Variants in GRID2 observed in about 807,000 individuals in gnomAD.
GRID2 encodes the protein glutamate receptor ionotropic, delta-2.
In GRID2, 33 loss-of-function variants were observed where a neutral mutation model predicts 114.8. The ratio of observed to expected loss-of-function variants is 0.29; its 90% CI spans 0.22 to 0.38. GRID2 has a LOEUF of 0.38. Among genes scored for constraint, GRID2 ranks in the 10% least tolerant of loss-of-function variants. The probability of loss-of-function intolerance (pLI) is 1.00; values close to 1 mark genes in which losing one functional copy is unlikely to be tolerated. For missense variants in GRID2, 1,184 were observed against 1,257.7 expected (o/e 0.94, Z 0.89); for synonymous variants, 505 against 449.9 (o/e 1.12, Z -1.55).
chr4:92,649,835 ATAAC>A (rs1010335567), intron 2 of GRID2, among the ~76,000 whole-genome samples: 3 of 152,038 alleles, frequency 2.0e-5, no homozygotes, highest in African/African-American at 7.2e-5. Flanking sequence ...GAAATTAACA[ATAAC>A]TAAGTAGAGA....
intron 1 of GRID2, among the ~76,000 whole-genome samples, chr4:92,532,570 T>C (rs1298953543): frequency 6.6e-6 from 1 of 152,120 alleles, no homozygotes; most frequent in East Asian, 1.9e-4. Flanking sequence ...ATGTTTATAA[T>C]TGCCCGTGTG....
At chr4:93,674,373 G>C (rs1026705311) in intron 14 of GRID2, among the ~76,000 whole-genome samples, 2 of 152,078 alleles carry the variant, frequency 1.3e-5, no homozygotes, top group Non-Finnish European at 2.9e-5. Context: ...ATGTATAGCT[G>C]TCAGGTACAA....
intron 2 of GRID2, among the ~76,000 whole-genome samples, chr4:92,680,868 G>C (rs1000595681): frequency 6.6e-6 from 1 of 152,152 alleles, no homozygotes; most frequent in African/African-American, 2.4e-5. Flanking sequence ...TTCTGTGCCA[G>C]AATTACTTAG....
At chr4:92,385,917 T>TA (rs1270743060) in intron 1 of GRID2, among the ~76,000 whole-genome samples, 1 of 149,062 alleles carries the variant, frequency 6.7e-6, no homozygotes, top group Admixed American at 6.7e-5. Flanking sequence ...TATATATATA[T>TA]ATATATATGA....
At chr4:92,370,767 G>A (rs993060594) in intron 1 of GRID2, among the ~76,000 whole-genome samples, 2 of 152,138 alleles carry the variant, frequency 1.3e-5, no homozygotes, top group African/African-American at 2.4e-5. Flanking sequence ...GTTGATTTTT[G>A]TATGTGGTGA....
intron 2 of GRID2, among the ~76,000 whole-genome samples, chr4:93,072,719 T>C (rs1297193974): frequency 6.6e-6 from 1 of 151,846 alleles, no homozygotes; most frequent in African/African-American, 2.4e-5. Context: ...TAAGAAATGG[T>C]TAGGTAGGTC....
At chr4:92,797,808 T>C (rs1739964222) in intron 2 of GRID2, among the ~76,000 whole-genome samples, 1 of 151,946 alleles carries the variant, frequency 6.6e-6, no homozygotes, top group African/African-American at 2.4e-5. Flanking sequence ...ACTGGACCTA[T>C]GCAATTGAAA....
intron 14 of GRID2, among the ~76,000 whole-genome samples, chr4:93,743,552 C>T (rs554565192): frequency 6.6e-6 from 1 of 152,282 alleles, no homozygotes; most frequent in East Asian, 1.9e-4. Context: ...CCTCAGGGTG[C>T]TTCCTCTCAT....
At chr4:92,943,994 A>G (rs963159691) in intron 2 of GRID2, among the ~76,000 whole-genome samples, 11 of 152,070 alleles carry the variant, frequency 7.2e-5, no homozygotes, top group Admixed American at 2.0e-4. Context: ...GTCTGCCCCT[A>G]CTGGGGGGTG....
At chr4:93,205,566 ATTTAGGTTGGTT>A (rs1403006567) in intron 4 of GRID2, among the ~76,000 whole-genome samples, 44 of 152,148 alleles carry the variant, frequency 2.9e-4, no homozygotes, top group Non-Finnish European at 5.9e-4. Context: ...GTTGTTAGAC[ATTTAGGTTGGTT>A]CCAAGTCTTT....
intron 13 of GRID2, among the ~76,000 whole-genome samples, chr4:93,548,171 C>A (rs1733410906): frequency 6.6e-6 from 1 of 151,540 alleles, no homozygotes; most frequent in Non-Finnish European, 1.5e-5. Context: ...AGTGAGACAC[C>A]ATCTCAATTA....
intron 2 of GRID2, among the ~76,000 whole-genome samples, chr4:92,915,060 G>C (rs949987419): frequency 4.6e-5 from 7 of 152,136 alleles, no homozygotes; most frequent in Non-Finnish European, 8.8e-5. Flanking sequence ...GGCCGAAGTT[G>C]AAGGGGAAGC....
At chr4:92,914,495 T>C (rs1422626145) in intron 2 of GRID2, among the ~76,000 whole-genome samples, 3 of 152,142 alleles carry the variant, frequency 2.0e-5, no homozygotes, top group Non-Finnish European at 2.9e-5. Context: ...GGGGGACTGT[T>C]GTACAGATTA....
intron 13 of GRID2, among the ~76,000 whole-genome samples, chr4:93,542,880 AT>A (rs1404278175): frequency 6.6e-6 from 1 of 152,108 alleles, no homozygotes; most frequent in African/African-American, 2.4e-5. Flanking sequence ...AGAAGCAGTG[AT>A]CTTAACCATC....
At chr4:93,478,574 A>G (rs1195291910) in intron 11 of GRID2, among the ~76,000 whole-genome samples, 1 of 151,352 alleles carries the variant, frequency 6.6e-6, no homozygotes, top group South Asian at 2.1e-4. Context: ...ATATGATAAA[A>G]TATTAAATTA....
rs36120160 is a variant in GRID2 at position 92,875,149 on chromosome 4, G to GTTTT, written c.245-209822_245-209819dup. ...ATGAAACTAAATATTAACTCAAAAGGTTTTTTTTTTTTTTTTTTTTTTTTT... is the reference window on the plus strand; with the variant it reads ...ATGAAACTAAATATTAACTCAAAAGGTTTTTTTTTTTTTTTTTTTTTTTTTTTTT... On this transcript the variant is annotated intron_variant, in intron 2 of 15. Coordinates refer to ENST00000282020, the MANE Select transcript of GRID2 (RefSeq NM_001510.4). Among the ~76,000 whole-genome samples, 30 of 84,982 alleles carry GTTTT rather than the reference G, an allele frequency of 3.5e-4. 2 individuals carry two copies. The highest frequency in any genetic ancestry group is 1.0e-3 in the African/African-American group (23 of 22,386). 55.8% of individuals were successfully genotyped at this position (84,982 alleles called of 152,430 possible). A position where few individuals can be genotyped will look rare whatever the true frequency, so the allele number is the denominator to read the frequency against.
intron 8 of GRID2, among the ~76,000 whole-genome samples, chr4:93,265,740 G>T (rs1271506476): frequency 2.6e-5 from 4 of 152,126 alleles, no homozygotes; most frequent in South Asian, 2.1e-4. Context: ...GATTGTGGTG[G>T]TGAGTCCACT....
chr4:92,960,434 C>T lies in GRID2; in HGVS notation c.245-124561C>T, dbSNP rs77186218. ...ATATTAGTTGTTCCCTGATGTATTC[C>T]GATGCAATGCTGTTAAGTATGTACA... On this transcript the variant is annotated intron_variant, in intron 2 of 15. Coordinates refer to ENST00000282020, the MANE Select transcript of GRID2 (RefSeq NM_001510.4). 9.4e-3 allele frequency among the ~76,000 whole-genome samples: 1,427 copies of T among 152,000 alleles called. 22 individuals carry two copies. Among genetic ancestry groups the T allele is most frequent in the African/African-American group, 0.032 (1,341 of 41,494 alleles).
intron 1 of GRID2, among the ~76,000 whole-genome samples, chr4:92,384,662 T>C (rs1178183873): frequency 3.6e-5 from 3 of 82,910 alleles, no homozygotes; most frequent in Non-Finnish European, 5.1e-5. Flanking sequence ...ATAGACATAT[T>C]ATATACATAT....
Sources: allele counts gnomAD v4.1 joint callset (sites outside exome capture counted in the v4.1 genomes callset), GRCh38; gene constraint gnomAD v4.1.1; transcripts MANE v1.5; gene names NCBI Gene and HGNC (gene_info 2026-07-23, HGNC 2026-07-21).